GALNT14: variants seen among roughly 807,000 people sequenced by gnomAD.
GALNT14 encodes the protein UDP-GalNAc:polypeptide N-acetylgalactosaminyltransferase 14.
A neutral mutation model predicts 77.5 loss-of-function variants in GALNT14; 60 were observed. That is an observed-to-expected ratio of 0.77 (90% confidence interval 0.63 to 0.96). The LOEUF is 0.96. Among genes scored for constraint, GALNT14 ranks in the 40% least tolerant of loss-of-function variants. GALNT14 has a pLI of 0.00. For synonymous variants in GALNT14, 280 were observed against 281.7 expected (o/e 0.99, Z 0.06); for missense variants, 710 against 731.0 (o/e 0.97, Z 0.33).
At chr2:31,012,764 T>C (rs554996025) in intron 1 of GALNT14, among the ~76,000 whole-genome samples, 2 of 151,138 alleles carry the variant, frequency 1.3e-5, no homozygotes, top group Admixed American at 6.6e-5. Flanking sequence ...TGGAACACAG[T>C]ATGAAAAAAA....
intron 1 of GALNT14, among the ~76,000 whole-genome samples, chr2:31,004,710 G>A (rs984763163): frequency 6.6e-6 from 1 of 152,160 alleles, no homozygotes; most frequent in African/African-American, 2.4e-5. Context: ...AAACCACTAG[G>A]AGGAAAATAA....
Position 30,911,005 on chromosome 2 carries a change from C to T in GALNT14, c.1555G>A (p.Asp519Asn), listed in dbSNP as rs150328877. ...IEHIASHLCL[D>N]TDMFGDGTEN... ...GTGCCATCACCGAACATATCTGTAT[C>T]GAGGCAGAGGTGGGATGCTATGTGC... The change falls in exon 15 of 15, where the codon GAT (aspartate) becomes AAT (asparagine). Residue 519 changes from aspartate to asparagine, a missense_variant. Physicochemically the swap from Asp to Asn is conservative, Grantham distance 23. Transcript: ENST00000349752. The T allele has an allele frequency of 9.3e-6, 15 of 1,613,914 alleles. No homozygotes were observed. Among genetic ancestry groups the T allele is most frequent in the East Asian group, 6.7e-5 (3 of 44,840 alleles).
At chr2:30,945,744 G>T in intron 7 of GALNT14, 39 bp downstream of exon 7, 1 of 1,532,172 alleles carries the variant, frequency 6.5e-7, no homozygotes. Context: ...GAGAGGAAAA[G>T]AAAATCCTTA....
At chr2:31,074,134 C>G (rs773897283) in intron 1 of GALNT14, among the ~76,000 whole-genome samples, 30 of 152,104 alleles carry the variant, frequency 2.0e-4, no homozygotes, top group Non-Finnish European at 5.9e-5. Flanking sequence ...CTACAGCTCA[C>G]TGCCCAGGAG....
chr2:30,983,310 GT>G (rs112190929), intron 2 of GALNT14, among the ~76,000 whole-genome samples: 3 of 151,498 alleles, frequency 2.0e-5, no homozygotes, highest in Admixed American at 1.3e-4. Flanking sequence ...CTTTCAGTCT[GT>G]TTTTTTTGTT....
At chr2:31,042,604 C>T (rs1268342146) in intron 1 of GALNT14, among the ~76,000 whole-genome samples, 1 of 152,144 alleles carries the variant, frequency 6.6e-6, no homozygotes, top group Non-Finnish European at 1.5e-5. Flanking sequence ...CCATTGATGG[C>T]AACTCCATCC....
chr2:31,083,643 T>C (rs545080954), intron 1 of GALNT14, among the ~76,000 whole-genome samples: 2 of 152,288 alleles, frequency 1.3e-5, no homozygotes, highest in East Asian at 1.9e-4. Context: ...ATGCACAGTA[T>C]CTGAGAAAGT....
At chr2:31,086,003 A>G (rs983102454) in intron 1 of GALNT14, among the ~76,000 whole-genome samples, 13 of 152,222 alleles carry the variant, frequency 8.5e-5, no homozygotes, top group Admixed American at 2.0e-4. Flanking sequence ...CTTACTCGCT[A>G]TCACAAGAAC....
chr2:31,029,492 G>GT (rs1672279260), intron 1 of GALNT14, among the ~76,000 whole-genome samples: 1 of 152,194 alleles, frequency 6.6e-6, no homozygotes, highest in Non-Finnish European at 1.5e-5. Flanking sequence ...ATACAACGTA[G>GT]TTATATTTCT....
rs1314102976 is a variant in GALNT14, at chr2:31,086,702, A to G, written c.129+51256T>C. On this transcript the variant is annotated intron_variant, in intron 1 of 14. Transcript: ENST00000349752. The stretch of plus-strand genomic sequence containing the variant: ...TACAACCCCATCATTTGAAAAGTAG[A>G]ACACATATGAGTGAGATTTATTATT... 2.0e-5 allele frequency among the ~76,000 whole-genome samples: 3 copies of G among 152,194 alleles called. No individual in the cohort carries two copies. The East Asian group carries it at 5.8e-4, about 29-fold the overall frequency.
chr2:31,037,473 G>C (rs972916266), intron 1 of GALNT14, among the ~76,000 whole-genome samples: 1 of 152,152 alleles, frequency 6.6e-6, no homozygotes, highest in African/African-American at 2.4e-5. Context: ...TCTGTGTTTA[G>C]TAAGTTGAAA....
At chr2:31,047,631 G>C (rs1053784200) in intron 1 of GALNT14, among the ~76,000 whole-genome samples, 2 of 152,208 alleles carry the variant, frequency 1.3e-5, no homozygotes, top group Admixed American at 6.5e-5. Context: ...TAGTGACCTT[G>C]AGGGGTTCCT....
chr2:30,917,434 T>C (rs771479520), intron 13 of GALNT14, among the ~76,000 whole-genome samples: 48 of 152,214 alleles, frequency 3.2e-4, no homozygotes, highest in Non-Finnish European at 5.4e-4. Context: ...GCTTGGGCTC[T>C]GCAGGTGGCA....
rs745626511 is a variant in GALNT14 at position 30,955,937 on chromosome 2, T to C, written c.507A>G (p.Lys169=). The change falls in exon 5 of 15, where the codon AAA becomes AAG. Residue 169 remains lysine (K), a synonymous_variant. Coordinates refer to ENST00000349752, the MANE Select transcript of GALNT14 (RefSeq NM_024572.4). Reference sequence around the variant, plus strand: ...CTTGCCGTTCATTATTGCGCAAGCATTTCACCTTGGGCAACTTGATGAGCT... The same window carrying C: ...CTTGCCGTTCATTATTGCGCAAGCACTTCACCTTGGGCAACTTGATGAGCT... ...CKQLIKLPKV[K]CLRNNERQGL... The C allele has an allele frequency of 6.8e-6, 11 of 1,614,018 alleles. No homozygotes were observed. The African/African-American group carries it at 9.3e-5, about 14-fold the overall frequency.
At chr2:30,985,097 A>T (rs1573093082) in intron 2 of GALNT14, among the ~76,000 whole-genome samples, 2 of 152,156 alleles carry the variant, frequency 1.3e-5, no homozygotes, top group Non-Finnish European at 2.9e-5. Flanking sequence ...AGGACTTGGC[A>T]TATGGCAATT....
intron 13 of GALNT14, among the ~76,000 whole-genome samples, chr2:30,918,645 G>A (rs938885695): frequency 8.0e-6 from 1 of 124,868 alleles, no homozygotes; most frequent in African/African-American, 2.7e-5. Flanking sequence ...GGTGGCATTG[G>A]GCAGGGAGGA....
At chr2:30,935,807 AGGTCCTGTGAAGG>A (rs776072897) in intron 9 of GALNT14, among the ~76,000 whole-genome samples, 1 of 152,158 alleles carries the variant, frequency 6.6e-6, no homozygotes, top group Non-Finnish European at 1.5e-5. Context: ...ACAGGACCTG[AGGTCCTGTGAAGG>A]GGGCTTGGAC....
intron 1 of GALNT14, among the ~76,000 whole-genome samples, chr2:31,075,926 G>T (rs1675751817): frequency 6.6e-6 from 1 of 152,216 alleles, no homozygotes; most frequent in Non-Finnish European, 1.5e-5. Context: ...TCCCACAAGA[G>T]CAGAGGCTGC....
At chr2:31,009,852 G>C (rs1175066718) in intron 1 of GALNT14, among the ~76,000 whole-genome samples, 1 of 152,080 alleles carries the variant, frequency 6.6e-6, no homozygotes, top group Non-Finnish European at 1.5e-5. Flanking sequence ...ATGTCCTGTT[G>C]GTTCTGCCTG....
Sources: allele counts gnomAD v4.1 joint callset (sites outside exome capture counted in the v4.1 genomes callset), GRCh38; gene constraint gnomAD v4.1.1; transcripts MANE v1.5; gene names NCBI Gene and HGNC (gene_info 2026-07-23, HGNC 2026-07-21).